Variants in MAPK9 observed in about 807,000 individuals in gnomAD.
The protein encoded by MAPK9 is mitogen-activated protein kinase 9, also known as Jun kinase.
MAPK9 carries 30 observed loss-of-function variants against 57.1 expected under a neutral mutation model. The observed-to-expected ratio is 0.53, with a 90% CI of 0.39 to 0.71. MAPK9 has a LOEUF of 0.71. Among genes scored for constraint, MAPK9 ranks in the 30% least tolerant of loss-of-function variants. The pLI is 0.00. For synonymous variants in MAPK9, 155 were observed against 177.0 expected (o/e 0.88, Z 0.99); for missense variants, 362 against 521.0 (o/e 0.69, Z 2.97).
Position 180,241,036 on chromosome 5 carries a change from C to T in MAPK9, c.991G>A (p.Glu331Lys). ...ITVWYDPAEA[E>K]APPPQIYDAQ... The stretch of plus-strand genomic sequence containing the variant: ...TTTTCAAAACAGATACTCACGGCTT[C>T]TGCTTCGGCGGGGTCATACCAAACA... Residue 331 changes from glutamate (E) to lysine (K), a missense_variant, in exon 9 of 12, where the codon GAA (glutamate) becomes AAA (lysine). Glu to Lys is a moderately conservative substitution (Grantham distance 56). Coordinates refer to ENST00000452135, the MANE Select transcript of MAPK9 (RefSeq NM_002752.5). 6.2e-7 allele frequency: 1 copy of T among 1,611,564 alleles called. No homozygotes were observed. Among genetic ancestry groups the T allele is most frequent in the Non-Finnish European group, 8.5e-7 (1 of 1,179,116 alleles).
At chr5:180,290,145 C>T (rs1763104473) in intron 1 of MAPK9, among the ~76,000 whole-genome samples, 1 of 152,248 alleles carries the variant, frequency 6.6e-6, no homozygotes, top group African/African-American at 2.4e-5. Flanking sequence ...TGGCGTGAGC[C>T]ATGGCACCCA....
Position 180,236,213 on chromosome 5 carries a change from C to A in MAPK9, c.*171G>T. ...TTTTTTCTTCAGACATATTCTGCCT[C>A]ATTTTATCATCTAAGCAGGCAATCC... On this transcript the variant is annotated 3_prime_UTR_variant, in exon 12 of 12. Coordinates refer to ENST00000452135, the MANE Select transcript of MAPK9 (RefSeq NM_002752.5). 1.6e-6 allele frequency: 1 copy of A among 620,526 alleles called. No homozygotes were observed. The highest frequency in any genetic ancestry group is 2.4e-6 in the Non-Finnish European group (1 of 414,398). 38.4% of individuals were successfully genotyped at this position (620,526 alleles called of 1,614,324 possible).
chr5:180,265,723 G>A (rs1015362821), intron 3 of MAPK9, among the ~76,000 whole-genome samples: 2 of 152,166 alleles, frequency 1.3e-5, no homozygotes, highest in African/African-American at 2.4e-5. Flanking sequence ...CGAGTCCCAC[G>A]GCTTAGGCAC....
At chr5:180,250,885 G>A (rs1186006215) in intron 5 of MAPK9, among the ~76,000 whole-genome samples, 2 of 152,174 alleles carry the variant, frequency 1.3e-5, no homozygotes, top group Non-Finnish European at 2.9e-5. Context: ...AAGCCAGGGA[G>A]AAGCAGCCCA....
intron 7 of MAPK9, among the ~76,000 whole-genome samples, chr5:180,245,101 C>T (rs1353380924): frequency 6.6e-6 from 1 of 152,208 alleles, no homozygotes; most frequent in Non-Finnish European, 1.5e-5. Flanking sequence ...CTCTTCCTCC[C>T]CTGCAAGTGC....
At chr5:180,251,318 G>C (rs956495917) in intron 5 of MAPK9, among the ~76,000 whole-genome samples, 21 of 152,166 alleles carry the variant, frequency 1.4e-4, no homozygotes, top group Admixed American at 1.2e-3. Flanking sequence ...GACAAGGACA[G>C]CCTGGTTCTA....
At chr5:180,250,940 T>G (rs17683933) in intron 5 of MAPK9, among the ~76,000 whole-genome samples, 15,429 of 152,206 alleles carry the variant, frequency 0.1, 1,034 homozygotes, top group Non-Finnish European at 0.14. Flanking sequence ...GTCAGGGAGC[T>G]AAGACCAAAT....
At chr5:180,249,798 C>CA (rs1165691594) in intron 5 of MAPK9, among the ~76,000 whole-genome samples, 1 of 152,076 alleles carries the variant, frequency 6.6e-6, no homozygotes, top group Admixed American at 6.5e-5. Context: ...ATGTAATCAA[C>CA]ATAAGAAAAA....
At chr5:180,275,218 C>A (rs1280587493) in intron 2 of MAPK9, among the ~76,000 whole-genome samples, 1 of 152,096 alleles carries the variant, frequency 6.6e-6, no homozygotes, top group African/African-American at 2.4e-5. Flanking sequence ...TGTTTGCTAT[C>A]TAGAAATAAT....
In MAPK9 at chr5:180,247,720, A is replaced by T; in HGVS notation, c.617-210T>A. On this transcript the variant is annotated intron_variant, in intron 6 of 11. Coordinates refer to ENST00000452135, the MANE Select transcript of MAPK9 (RefSeq NM_002752.5). The surrounding 1 kb of genome is among the most constrained non-coding windows in gnomAD (Gnocchi z 4.5). ...GGGTTTTAGTGCCAAAGAGTCCAATACTTTATAGCTTAAAACAAACAAACA... is the reference window on the plus strand; with the variant it reads ...GGGTTTTAGTGCCAAAGAGTCCAATTCTTTATAGCTTAAAACAAACAAACA... 9.4e-7 allele frequency: 1 copy of T among 1,060,094 alleles called. No homozygotes were observed. 65.7% of individuals were successfully genotyped at this position (1,060,094 alleles called of 1,614,324 possible). A position where few individuals can be genotyped will look rare whatever the true frequency, so the allele number is the denominator to read the frequency against.
intron 5 of MAPK9, 130 bp from the exon 6 acceptor site, chr5:180,249,268 C>G: frequency 1.1e-6 from 1 of 883,312 alleles, no homozygotes; most frequent in Non-Finnish European, 1.6e-6. Context: ...TTGGGAACAA[C>G]TTTGGAAAAT....
intron 11 of MAPK9, 79 bp from the exon 12 acceptor site, chr5:180,236,605 T>C: frequency 6.7e-7 from 1 of 1,499,290 alleles, no homozygotes. Context: ...TGCAGGCCAT[T>C]TCTCGGCTCT....
intron 10 of MAPK9, among the ~76,000 whole-genome samples, chr5:180,239,251 T>G (rs750265430): frequency 1.3e-5 from 2 of 152,230 alleles, no homozygotes; most frequent in Non-Finnish European, 2.9e-5. Flanking sequence ...ATGTCAGTAT[T>G]CATAAACCAA....
chr5:180,264,295 A>T (rs1029065657), intron 4 of MAPK9, among the ~76,000 whole-genome samples: 1 of 152,176 alleles, frequency 6.6e-6, no homozygotes, highest in Admixed American at 6.5e-5. Flanking sequence ...ATATTTGTTA[A>T]TGACTGAACA....
At position 180,238,608 on chromosome 5, in the gene MAPK9, C is replaced by CTTTTTTTTTTTTTTTTTTTT. The variant is rs746336177; in HGVS notation, c.1061-225_1061-206dup. Among the ~76,000 whole-genome samples, 5 of 85,168 alleles carry CTTTTTTTTTTTTTTTTTTTT rather than the reference C, an allele frequency of 5.9e-5. 1 individual carries two copies. The highest frequency in any genetic ancestry group is 9.2e-5 in the Non-Finnish European group (4 of 43,422). The allele number at this position is 85,168 out of a possible 152,430, so 55.9% of individuals were successfully genotyped here. ...TTATATCTTTTCTTTTCTTCTTCTT[C>CTTTTTTTTTTTTTTTTTTTT]TTTTTTTTTTTTTTTTTTTTGAGAC... On this transcript the variant is annotated intron_variant, in intron 10 of 11. Coordinates refer to ENST00000452135, the MANE Select transcript of MAPK9 (RefSeq NM_002752.5).
chr5:180,278,649 A>G (rs1762040717), intron 2 of MAPK9, among the ~76,000 whole-genome samples: 1 of 152,156 alleles, frequency 6.6e-6, no homozygotes, highest in African/African-American at 2.4e-5. Context: ...CAGTGAGCTG[A>G]GATCGCGCCA....
chr5:180,272,274 G>A lies in MAPK9; in HGVS notation c.123-2865C>T, dbSNP rs1761402668. ...AGGTGCATGGAAGATAGATGGTATT[G>A]CTCTGCCCCCACCCTTGATTGATAA... On this transcript the variant is annotated intron_variant, in intron 2 of 11. Transcript: ENST00000452135. 2.0e-5 allele frequency among the ~76,000 whole-genome samples: 3 copies of A among 152,170 alleles called. No homozygotes were observed. In the South Asian group the frequency reaches 6.2e-4, roughly 32 times the overall value.
At position 180,235,237 on chromosome 5, in the gene MAPK9, A is replaced by G. The variant is rs1471891069; in HGVS notation, c.*1147T>C. ...TTCTTGTGAAAAGGAATGCCTCCCAACAATGGAGAGCAACAATAGCAACAG... is the reference window on the plus strand; with the variant it reads ...TTCTTGTGAAAAGGAATGCCTCCCAGCAATGGAGAGCAACAATAGCAACAG... On this transcript the variant is annotated 3_prime_UTR_variant, in exon 12 of 12. Transcript: ENST00000452135. The G allele has an allele frequency of 6.6e-6, 1 of 152,242 alleles. No homozygotes were observed. Among genetic ancestry groups the G allele is most frequent in the East Asian group, 1.9e-4 (1 of 5,202 alleles). The allele number at this position is 152,242 out of a possible 1,614,324, so 9.4% of individuals were successfully genotyped here.
At chr5:180,260,943 GAA>G (rs11310451) in intron 5 of MAPK9, among the ~76,000 whole-genome samples, 28 of 148,144 alleles carry the variant, frequency 1.9e-4, no homozygotes, top group Admixed American at 2.7e-4. Flanking sequence ...ATCAAATTGT[GAA>G]AAAAAAAAAT....
Sources: gnomAD v4.1 joint callset for allele counts (sites outside exome capture counted in the v4.1 genomes callset) on GRCh38, gnomAD v4.1.1 for gene constraint, Gnocchi (gnomAD v3.1) non-coding constraint, MANE v1.5 for transcripts, NCBI Gene and HGNC (gene_info 2026-07-23, HGNC 2026-07-21) for gene names.